The following RERG variants were observed in gnomAD, a reference collection of about 807,000 sequenced individuals.
The protein encoded by RERG is RAS like estrogen regulated growth inhibitor.
In RERG, 25 loss-of-function variants were observed where a neutral mutation model predicts 23.2. That is an observed-to-expected ratio of 1.08 (90% CI 0.79 to 1.50). RERG has a LOEUF of 1.50. Ranked by LOEUF, RERG falls within the 40% of genes most tolerant of loss-of-function variation. The probability of loss-of-function intolerance (pLI) is 0.00; values close to 1 mark genes in which losing one functional copy is unlikely to be tolerated. For synonymous variants in RERG, 81 were observed against 89.1 expected, an observed-to-expected ratio of 0.91 and a Z score of 0.51; for missense variants, 253 against 250.1, an observed-to-expected ratio of 1.01 and a Z score of -0.08.
At chr12:15,138,519 T>C (rs780371522) in intron 2 of RERG, among the ~76,000 whole-genome samples, 8 of 152,106 alleles carry the variant, frequency 5.3e-5, no homozygotes, top group Non-Finnish European at 7.4e-5. Context: ...ATTTCTTTTA[T>C]AGACATTTTA....
At chr12:15,178,583 T>C (rs1019569538) in intron 2 of RERG, among the ~76,000 whole-genome samples, 4 of 152,214 alleles carry the variant, frequency 2.6e-5, no homozygotes, top group Admixed American at 6.5e-5. Flanking sequence ...TGAGAACTTA[T>C]GCGAGTTACT....
intron 2 of RERG, among the ~76,000 whole-genome samples, chr12:15,160,361 G>A (rs978379561): frequency 1.3e-5 from 2 of 152,114 alleles, no homozygotes; most frequent in Non-Finnish European, 2.9e-5. Flanking sequence ...TGCAGCAGGT[G>A]CAAAGCATCT....
intron 2 of RERG, 117 bp downstream of exon 2, chr12:15,217,312 T>A: frequency 1.4e-6 from 1 of 705,252 alleles, no homozygotes; most frequent in African/African-American, 1.8e-5. Context: ...TCTAAAAGAG[T>A]AAGAAATGAA....
chr12:15,138,047 G>A (rs1189213324), intron 2 of RERG: 3 of 251,042 alleles, frequency 1.2e-5, no homozygotes, highest in South Asian at 4.3e-5. Context: ...ATTCTAGGTC[G>A]GTGGATTTTC....
At chr12:15,176,332 G>C (rs28438450) in intron 2 of RERG, among the ~76,000 whole-genome samples, 1 of 152,024 alleles carries the variant, frequency 6.6e-6, no homozygotes, top group African/African-American at 2.4e-5. Flanking sequence ...GTTTCTTTCA[G>C]CACCTTCTTC....
intron 2 of RERG, among the ~76,000 whole-genome samples, chr12:15,194,918 T>C (rs1012877709): frequency 3.2e-4 from 49 of 152,108 alleles, no homozygotes; most frequent in Admixed American, 3.1e-3. Context: ...AGATGGCACA[T>C]GGTAACTGAT....
chr12:15,113,968 T>A (rs2136083961), intron 3 of RERG, among the ~76,000 whole-genome samples: 1 of 152,088 alleles, frequency 6.6e-6, no homozygotes, highest in East Asian at 1.9e-4. Context: ...AACAATAGAC[T>A]CATATTTATA....
intron 2 of RERG, among the ~76,000 whole-genome samples, chr12:15,192,846 G>A (rs1865090162): frequency 6.6e-6 from 1 of 152,168 alleles, no homozygotes; most frequent in South Asian, 2.1e-4. Context: ...TATGTCTGAT[G>A]TTAACCCATA....
intron 2 of RERG, among the ~76,000 whole-genome samples, chr12:15,168,090 G>A (rs970611936): frequency 5.9e-5 from 9 of 152,148 alleles, no homozygotes; most frequent in African/African-American, 2.2e-4. Flanking sequence ...CCAAGGCTCT[G>A]CTTTAATAGT....
chr12:15,154,039 C>T (rs1258541060), intron 2 of RERG, among the ~76,000 whole-genome samples: 2 of 152,088 alleles, frequency 1.3e-5, no homozygotes, highest in Non-Finnish European at 2.9e-5. Flanking sequence ...AGGACAGAGG[C>T]AGGGAACAGA....
chr12:15,213,387 C>T (rs73065457), intron 2 of RERG, among the ~76,000 whole-genome samples: 47,654 of 152,082 alleles, frequency 0.31, 7,569 homozygotes, highest in African/African-American at 0.33. Flanking sequence ...CTGTGCCTTG[C>T]ATGCCACATT....
chr12:15,179,189 A>G (rs1864891367), intron 2 of RERG, among the ~76,000 whole-genome samples: 1 of 152,212 alleles, frequency 6.6e-6, no homozygotes, highest in Admixed American at 6.5e-5. Flanking sequence ...GCTACTTCTC[A>G]GCTATCTGAG....
intron 2 of RERG, among the ~76,000 whole-genome samples, chr12:15,146,076 A>G (rs1864327349): frequency 1.3e-5 from 2 of 152,290 alleles, no homozygotes; most frequent in South Asian, 2.1e-4. Context: ...TAGCTCTGTT[A>G]TTCTCTTTAG....
chr12:15,108,477 A>C lies in RERG; in HGVS notation c.*633T>G, dbSNP rs1451799759. On this transcript the variant is annotated 3_prime_UTR_variant, in exon 5 of 5. Coordinates refer to ENST00000256953, the MANE Select transcript of RERG (RefSeq NM_032918.3). ...AAAATATTGTTTGAGCCAAGGAAGGAGAGTTAGGGTGTAATGATCAATAGA... is the reference window on the plus strand; with the variant it reads ...AAAATATTGTTTGAGCCAAGGAAGGCGAGTTAGGGTGTAATGATCAATAGA... 1 of 152,612 alleles carries C rather than the reference A, an allele frequency of 6.6e-6. No homozygotes were observed. Among genetic ancestry groups the C allele is most frequent in the Non-Finnish European group, 1.5e-5 (1 of 68,042 alleles). 9.5% of individuals were successfully genotyped at this position (152,612 alleles called of 1,614,324 possible).
intron 2 of RERG, among the ~76,000 whole-genome samples, chr12:15,192,152 C>T (rs949562849): frequency 6.6e-6 from 1 of 152,096 alleles, no homozygotes; most frequent in East Asian, 1.9e-4. Context: ...GTGCTGGCCT[C>T]GCGATAGTAA....
intron 2 of RERG, among the ~76,000 whole-genome samples, chr12:15,164,881 T>TA (rs1864664918): frequency 6.6e-6 from 1 of 152,150 alleles, no homozygotes; most frequent in African/African-American, 2.4e-5. Context: ...ATCCAAAGGG[T>TA]ATTATTGAAG....
chr12:15,120,640 AAAAG>A (rs1458802011), intron 3 of RERG, among the ~76,000 whole-genome samples: 1 of 152,194 alleles, frequency 6.6e-6, no homozygotes, highest in African/African-American at 2.4e-5. Flanking sequence ...TGGAGAGAAG[AAAAG>A]AGAGAAACAT....
chr12:15,131,459 G>A (rs1864044948), intron 2 of RERG, among the ~76,000 whole-genome samples: 1 of 151,990 alleles, frequency 6.6e-6, no homozygotes, highest in Non-Finnish European at 1.5e-5. Context: ...AGTTGCCAAG[G>A]GATTTGGATA....
chr12:15,145,356 T>C (rs556634144), intron 2 of RERG, among the ~76,000 whole-genome samples: 11 of 152,306 alleles, frequency 7.2e-5, no homozygotes, highest in African/African-American at 2.2e-4. Flanking sequence ...TGTGAAGAAG[T>C]TGGAACAAGG....
Sources: gnomAD v4.1 joint callset for allele counts (sites outside exome capture counted in the v4.1 genomes callset) on GRCh38, gnomAD v4.1.1 for gene constraint, MANE v1.5 for transcripts, NCBI Gene and HGNC (gene_info 2026-07-23, HGNC 2026-07-21) for gene names.